The following TBX15 variants were observed in gnomAD, a reference collection of about 807,000 sequenced individuals.
The protein encoded by TBX15 is T-box transcription factor 15, also known as T-box transcription factor TBX15.
Under a neutral mutation model 53.9 loss-of-function variants are expected in TBX15, and 18 were observed. The ratio of observed to expected loss-of-function variants is 0.33; its 90% CI spans 0.23 to 0.49. The LOEUF (loss-of-function observed/expected upper bound fraction) is 0.49. TBX15 is among the 20% of genes least tolerant of loss of function. The pLI is 0.98. For synonymous variants in TBX15, 295 were observed against 278.0 expected, an observed-to-expected ratio of 1.06 and a Z score of -0.61; for missense variants, 692 against 749.5, an observed-to-expected ratio of 0.92 and a Z score of 0.90.
At chr1:118,910,730 TGAAGG>T (rs1285685273) in intron 6 of TBX15, among the ~76,000 whole-genome samples, 2 of 152,228 alleles carry the variant, frequency 1.3e-5, no homozygotes, top group African/African-American at 2.4e-5. Flanking sequence ...TCCAGAATGC[TGAAGG>T]ACAAAAATGG....
intron 6 of TBX15, among the ~76,000 whole-genome samples, chr1:118,903,680 A>G (rs1654712676): frequency 6.6e-6 from 1 of 152,232 alleles, no homozygotes; most frequent in African/African-American, 2.4e-5. Flanking sequence ...GCCTACTGAG[A>G]CAGAGGTCTT....
At position 118,988,041 on chromosome 1, in the gene TBX15, C is replaced by A. The variant is rs992332907; in HGVS notation, c.-246G>T. 1.7e-6 allele frequency: 1 copy of A among 579,952 alleles called. No individual in the cohort carries two copies. Among genetic ancestry groups the A allele is most frequent in the Non-Finnish European group, 3.0e-6 (1 of 330,366 alleles). The allele number at this position is 579,952 out of a possible 1,614,324, so 35.9% of individuals were successfully genotyped here. On this transcript the variant is annotated 5_prime_UTR_variant, in exon 1 of 8. Transcript: ENST00000369429. ...GAACTAGCGCCCCGAGCGCCGCCCGCTCGCTGCATGAGCGCCCGAGTCCTG... is the reference window on the plus strand; with the variant it reads ...GAACTAGCGCCCCGAGCGCCGCCCGATCGCTGCATGAGCGCCCGAGTCCTG...
intron 1 of TBX15, among the ~76,000 whole-genome samples, chr1:118,957,963 G>A (rs920501363): frequency 4.6e-5 from 7 of 152,112 alleles, no homozygotes; most frequent in African/African-American, 9.7e-5. Flanking sequence ...ACATGCACAC[G>A]TATGTTTATT....
chr1:118,927,496 C>A (rs573857597), intron 2 of TBX15, among the ~76,000 whole-genome samples: 42 of 152,246 alleles, frequency 2.8e-4, no homozygotes, highest in South Asian at 1.0e-3. Context: ...AAACAAAGAG[C>A]CACCAAGATT....
chr1:118,940,755 G>A (rs1384696033), intron 1 of TBX15, among the ~76,000 whole-genome samples: 1 of 151,450 alleles, frequency 6.6e-6, no homozygotes, highest in Admixed American at 6.6e-5. Context: ...GGACAAATAT[G>A]GGCCCCGACT....
At chr1:118,926,737 G>A (rs191815404) in intron 2 of TBX15, 126 bp from the exon 3 acceptor site, 24 of 804,090 alleles carry the variant, frequency 3.0e-5, no homozygotes, top group African/African-American at 5.1e-5. Context: ...ATGGAGTCTC[G>A]CTCTGTCACC....
intron 1 of TBX15, among the ~76,000 whole-genome samples, chr1:118,950,862 G>C (rs1026775805): frequency 7.9e-5 from 12 of 152,158 alleles, no homozygotes; most frequent in African/African-American, 2.9e-4. Flanking sequence ...AGGATCAGCT[G>C]GGTCAGTCCA....
At chr1:118,980,738 T>C (rs1370199256) in intron 1 of TBX15, among the ~76,000 whole-genome samples, 1 of 152,220 alleles carries the variant, frequency 6.6e-6, no homozygotes, top group Non-Finnish European at 1.5e-5. Flanking sequence ...ATTACAAAAT[T>C]AAATGCCAAA....
chr1:118,895,396 A>G (rs1454968301), intron 7 of TBX15, among the ~76,000 whole-genome samples: 1 of 152,156 alleles, frequency 6.6e-6, no homozygotes, highest in Non-Finnish European at 1.5e-5. Context: ...GTCACTGCTG[A>G]TAAAGCTCTC....
chr1:118,911,788 C>T (rs1655035559), intron 6 of TBX15, among the ~76,000 whole-genome samples: 1 of 152,206 alleles, frequency 6.6e-6, no homozygotes, highest in Admixed American at 6.5e-5. Flanking sequence ...ATGCCTGGCA[C>T]ACGTCTGTCT....
rs868158927 is a variant in TBX15 at position 118,885,505 on chromosome 1, C to T, written c.1036G>A (p.Gly346Ser). The change falls in exon 8 of 8, where the codon GGC becomes AGC. Residue 346 changes from glycine to serine, a missense_variant. Gly to Ser is a moderately conservative substitution (Grantham distance 56). Around this residue, in one of 3 missense-constraint regions of TBX15, gnomAD observed 375 missense variants for 371.6 expected, o/e 1.01. Transcript: ENST00000369429. The stretch of plus-strand genomic sequence containing the variant: ...GTGCTGGAGGTGGTTGGGGAAGTGC[C>T]TGTGCTGCCTCCTGAAAAATAAAAC... Reference protein sequence around the residue: ...TMQKQQGGSTGTSPTTSSTGT... With the variant: ...TMQKQQGGSTSTSPTTSSTGT... 1 of 1,589,914 alleles carries T rather than the reference C, an allele frequency of 6.3e-7. No individual in the cohort carries two copies. The highest frequency in any genetic ancestry group is 8.6e-7 in the Non-Finnish European group (1 of 1,166,462).
chr1:118,909,047 A>C (rs977418362), intron 6 of TBX15, among the ~76,000 whole-genome samples: 1 of 152,170 alleles, frequency 6.6e-6, no homozygotes, highest in Admixed American at 6.5e-5. Flanking sequence ...AGACCTTCCT[A>C]TGCTTCTCAC....
At chr1:118,966,592 A>T (rs1386930619) in intron 1 of TBX15, among the ~76,000 whole-genome samples, 1 of 152,192 alleles carries the variant, frequency 6.6e-6, no homozygotes, top group East Asian at 1.9e-4. Context: ...TAAGGAAATG[A>T]GGTACGGAAA....
At chr1:118,920,259 G>A (rs544452688) in intron 5 of TBX15, among the ~76,000 whole-genome samples, 5 of 152,306 alleles carry the variant, frequency 3.3e-5, no homozygotes, top group African/African-American at 1.2e-4. Context: ...ATGAGGTCAC[G>A]AGAGAGTGCA....
At chr1:118,907,132 TG>T (rs1654862200) in intron 6 of TBX15, among the ~76,000 whole-genome samples, 1 of 152,172 alleles carries the variant, frequency 6.6e-6, no homozygotes, top group Non-Finnish European at 1.5e-5. Flanking sequence ...GGCCCTATCA[TG>T]GGACCAACAG....
intron 7 of TBX15, among the ~76,000 whole-genome samples, chr1:118,893,613 A>G (rs535997251): frequency 2.2e-5 from 3 of 136,632 alleles, no homozygotes; most frequent in East Asian, 2.0e-4. Context: ...GAAAGAAAGA[A>G]AGAGAGAGAG....
intron 1 of TBX15, among the ~76,000 whole-genome samples, chr1:118,969,152 G>A (rs998188690): frequency 3.3e-5 from 5 of 152,150 alleles, no homozygotes; most frequent in African/African-American, 2.4e-5. Flanking sequence ...CTCATTCCCT[G>A]TACCTACTGA....
At chr1:118,939,298 T>C (rs1392405147) in intron 1 of TBX15, among the ~76,000 whole-genome samples, 1 of 150,624 alleles carries the variant, frequency 6.6e-6, no homozygotes, top group East Asian at 2.0e-4. Flanking sequence ...TCCTAGCTAC[T>C]TGGAAGACTG....
intron 1 of TBX15, among the ~76,000 whole-genome samples, chr1:118,934,542 T>C (rs909607665): frequency 2.0e-5 from 3 of 152,226 alleles, no homozygotes; most frequent in Non-Finnish European, 2.9e-5. Flanking sequence ...TATGTGTTTA[T>C]TGAGTGCTTA....
Sources: allele counts gnomAD v4.1 joint callset (sites outside exome capture counted in the v4.1 genomes callset), GRCh38; gene constraint gnomAD v4.1.1; regional missense constraint gnomAD v4.1.1; transcripts MANE v1.5; gene names NCBI Gene and HGNC (gene_info 2026-07-23, HGNC 2026-07-21).